The following MTCL1 variants were observed in gnomAD, a reference collection of about 807,000 sequenced individuals.
MTCL1 encodes microtubule crosslinking factor 1, also known as microtubule cross-linking factor 1.
In MTCL1, 79 loss-of-function variants were observed where a neutral mutation model predicts 141.4. That is an observed-to-expected ratio of 0.56 (90% CI 0.47 to 0.67). MTCL1 has a LOEUF of 0.67. MTCL1 is among the 30% of genes least tolerant of loss of function. The pLI is 0.00. For missense variants in MTCL1, 2,177 were observed against 2,113.9 expected, an observed-to-expected ratio of 1.03 and a Z score of -0.59; for synonymous variants, 914 against 875.8, an observed-to-expected ratio of 1.04 and a Z score of -0.77.
Position 8,828,661 on chromosome 18 carries a change from CT to C in MTCL1, c.4723-245del, listed in dbSNP as rs1404505300. The stretch of plus-strand genomic sequence containing the variant: ...TGTGACTCCTCCATGGAGTTTCCTT[CT>C]TCTCTCTGGGCAGATGGCAGAGGGC... On this transcript the variant is annotated intron_variant, in intron 15 of 16. Transcript: ENST00000359865. The surrounding 1 kb of genome is among the most constrained non-coding windows in gnomAD (Gnocchi z 5.2). Among the ~76,000 whole-genome samples the C allele has an allele frequency of 1.4e-4, 21 of 152,202 alleles. No individual in the cohort carries two copies. The highest frequency in any genetic ancestry group is 4.8e-4 in the African/African-American group (20 of 41,458).
chr18:8,796,134 G>A, intron 8 of MTCL1, 98 bp from the exon 8 acceptor site: 1 of 1,186,210 alleles, frequency 8.4e-7, no homozygotes, highest in Non-Finnish European at 1.2e-6. Context: ...TATGCAGCAT[G>A]ACAGAGACTG....
intron 4 of MTCL1, among the ~76,000 whole-genome samples, chr18:8,736,092 G>A (rs961822956): frequency 3.9e-5 from 6 of 152,216 alleles, no homozygotes; most frequent in Admixed American, 1.3e-4. Context: ...ATAAGCAGCC[G>A]GGGTATAGCT....
At chr18:8,722,635 T>G (rs758420656) in intron 4 of MTCL1, among the ~76,000 whole-genome samples, 1 of 152,146 alleles carries the variant, frequency 6.6e-6, no homozygotes, top group Non-Finnish European at 1.5e-5. Flanking sequence ...TGGATCACCG[T>G]AAAGGTCTTC....
chr18:8,804,245 A>G (rs956841150), intron 10 of MTCL1, among the ~76,000 whole-genome samples: 11 of 150,536 alleles, frequency 7.3e-5, no homozygotes, highest in African/African-American at 2.7e-4. Context: ...TACTTATATA[A>G]TTTTTAGATT....
intron 4 of MTCL1, among the ~76,000 whole-genome samples, chr18:8,722,832 A>T (rs1355051441): frequency 6.6e-6 from 1 of 152,252 alleles, no homozygotes; most frequent in Non-Finnish European, 1.5e-5. Flanking sequence ...ACATTTGTGT[A>T]TAACTAAACA....
rs774011471 is a variant in MTCL1, at chr18:8,806,946, C to T, written c.2490C>T (p.Phe830=). ...CCTTCAAGGCCTTGCTGGAGGACTT[C>T]CGTGCGGAGCTGCGGGAGGATGAGC... Residue 830 remains phenylalanine, a synonymous_variant, in exon 11 of 17, where the codon TTC becomes TTT. Transcript: ENST00000359865. 5 of 1,613,766 alleles carry T rather than the reference C, an allele frequency of 3.1e-6. No homozygotes were observed. The East Asian group carries it at 1.1e-4, about 36-fold the overall frequency.
intron 7 of MTCL1, among the ~76,000 whole-genome samples, chr18:8,791,796 C>G (rs142590913): frequency 1.1e-3 from 170 of 152,252 alleles, no homozygotes; most frequent in Admixed American, 2.4e-3. Context: ...ACTAGCAAAT[C>G]AAAGAAGCAT....
At chr18:8,747,606 C>G (rs1322877821) in intron 4 of MTCL1, among the ~76,000 whole-genome samples, 1 of 152,208 alleles carries the variant, frequency 6.6e-6, no homozygotes, top group Admixed American at 6.5e-5. Flanking sequence ...CCCATGCAGT[C>G]TAGTAGGTCC....
At chr18:8,722,264 G>T (rs771792081) in intron 4 of MTCL1, among the ~76,000 whole-genome samples, 49 of 152,252 alleles carry the variant, frequency 3.2e-4, no homozygotes, top group East Asian at 5.8e-4. Context: ...AGGTGCGGGG[G>T]TCACCTCCTG....
intron 5 of MTCL1, among the ~76,000 whole-genome samples, chr18:8,781,263 C>T (rs945895134): frequency 2.7e-5 from 4 of 149,822 alleles, no homozygotes; most frequent in African/African-American, 7.4e-5. Flanking sequence ...TTAAACACAA[C>T]GTATGCCTTT....
In MTCL1 at chr18:8,828,932, C is replaced by T; in HGVS notation, c.4747C>T (p.Pro1583Ser). ...GAACCAAACTGTCTTGCTAACTGCCCCCTGGGGACTCTAGCCCTGCCCGCC... is the reference window on the plus strand; with the variant it reads ...GAACCAAACTGTCTTGCTAACTGCCTCCTGGGGACTCTAGCCCTGCCCGCC... The change falls in exon 16 of 17, where the codon CCC becomes TCC. Residue 1583 changes from proline (P) to serine (S), a missense_variant. Pro to Ser is a moderately conservative substitution (Grantham distance 74, BLOSUM62 -1). Coordinates refer to ENST00000359865, the Ensembl canonical transcript of MTCL1. This position sits in a 1 kb window ranked among gnomAD's most constrained non-coding sequence, Gnocchi z 5.2. 1 of 1,614,206 alleles carries T rather than the reference C, an allele frequency of 6.2e-7. No individual in the cohort carries two copies. The highest frequency in any genetic ancestry group is 1.1e-5 in the South Asian group (1 of 91,080).
intron 12 of MTCL1, among the ~76,000 whole-genome samples, chr18:8,818,331 C>G (rs1335405035): frequency 1.3e-5 from 2 of 151,996 alleles, no homozygotes; most frequent in South Asian, 2.1e-4. Context: ...AAGTATGACT[C>G]TAACGTAATG....
chr18:8,766,386 A>C (rs1450437238), intron 4 of MTCL1, among the ~76,000 whole-genome samples: 2 of 152,104 alleles, frequency 1.3e-5, no homozygotes, highest in African/African-American at 2.4e-5. Context: ...TGGCTGCTGC[A>C]GGGACACTGT....
chr18:8,786,019 G>T, exon 7 of MTCL1: 1 of 1,584,364 alleles, frequency 6.3e-7, no homozygotes, highest in Non-Finnish European at 8.6e-7. Context: ...GAGCCGCGCG[G>T]GAGCTGCACC....
intron 4 of MTCL1, among the ~76,000 whole-genome samples, chr18:8,720,767 C>T (rs951946448): frequency 2.6e-5 from 4 of 152,216 alleles, no homozygotes; most frequent in Non-Finnish European, 5.9e-5. Flanking sequence ...AAAATATTTT[C>T]TATCTGGCCC....
rs79284897 is a variant in MTCL1, at chr18:8,818,405, A to C, written c.2860-558A>C. Among the ~76,000 whole-genome samples the C allele has an allele frequency of 4.7e-3, 709 of 151,692 alleles. 41 individuals carry two copies. The East Asian group carries it at 0.12, about 25-fold the overall frequency. ...TTACTTGCGTTATAGCTAAGTTTGT[A>C]TCCTCTCAAATAAAGTGTAAGTTAT... is the stretch of plus-strand genomic sequence containing the variant. On this transcript the variant is annotated intron_variant, in intron 12 of 16. Transcript: ENST00000359865.
rs1417893526 is a variant in MTCL1 at position 8,718,759 on chromosome 18, G to A, written c.198+111G>A. On this transcript the variant is annotated intron_variant, in intron 3 of 16. Coordinates refer to ENST00000359865, the Ensembl canonical transcript of MTCL1. ...CTTGTGTCTGTCTCTACAGATTGCA[G>A]CATAAACAGTCTTGGTTTGCTTTAT... The A allele has an allele frequency of 4.2e-6, 4 of 963,234 alleles. No homozygotes were observed. The African/African-American group carries it at 6.4e-5, about 16-fold the overall frequency. 59.7% of individuals were successfully genotyped at this position (963,234 alleles called of 1,614,324 possible).
chr18:8,724,414 AAAAAC>A (rs1041401376), intron 4 of MTCL1, among the ~76,000 whole-genome samples: 1 of 152,194 alleles, frequency 6.6e-6, no homozygotes, highest in Non-Finnish European at 1.5e-5. Context: ...TCCATCTTAA[AAAAAC>A]AAAACAAAAT....
rs111232298 is a variant in MTCL1, at chr18:8,821,055, A to G, written c.3157-412A>G. 3.8e-3 allele frequency among the ~76,000 whole-genome samples: 572 copies of G among 152,208 alleles called. 6 individuals carry two copies. Among genetic ancestry groups the G allele is most frequent in the African/African-American group, 0.013 (556 of 41,532 alleles). On this transcript the variant is annotated intron_variant, in intron 13 of 16. Coordinates refer to ENST00000359865, the Ensembl canonical transcript of MTCL1. ...CACTAACGTTACTCTATCACCTTCCATCTTTCTCTCTAACATAACACATGC... is the reference window on the plus strand; with the variant it reads ...CACTAACGTTACTCTATCACCTTCCGTCTTTCTCTCTAACATAACACATGC...
Sources: allele counts gnomAD v4.1 joint callset (sites outside exome capture counted in the v4.1 genomes callset), GRCh38; gene constraint gnomAD v4.1.1; non-coding constraint Gnocchi (gnomAD v3.1); transcripts MANE v1.5; gene names NCBI Gene and HGNC (gene_info 2026-07-23, HGNC 2026-07-21).